The following CRYBA4 variants were observed in gnomAD, a reference collection of about 807,000 sequenced individuals.
CRYBA4 encodes crystallin beta A4.
A neutral mutation model predicts 31.7 loss-of-function variants in CRYBA4; 30 were observed. The observed-to-expected ratio is 0.95, with a 90% CI of 0.71 to 1.28. The LOEUF is 1.28. Ranked by LOEUF, CRYBA4 falls within the 50% of genes most tolerant of loss-of-function variation. The probability of loss-of-function intolerance (pLI) is 0.00; values close to 1 mark genes in which losing one functional copy is unlikely to be tolerated. For synonymous variants in CRYBA4, 102 were observed against 102.3 expected, an observed-to-expected ratio of 1.00 and a Z score of 0.02; for missense variants, 225 against 260.7, an observed-to-expected ratio of 0.86 and a Z score of 0.94.
At chr22:26,622,490 C>A in intron 1 of CRYBA4, 95 bp from the exon 2 acceptor site, 1 of 1,052,982 alleles carries the variant, frequency 9.5e-7, no homozygotes, top group Non-Finnish European at 1.5e-6. Context: ...CCTGGACTCC[C>A]TATGTGGATC....
upstream of CRYBA4, among the ~76,000 whole-genome samples, chr22:26,619,795 G>A (rs1187211575): frequency 5.9e-5 from 9 of 152,350 alleles, no homozygotes. Flanking sequence ...AGGCTTCAAA[G>A]CCAGGTCATC....
At chr22:26,607,979 G>A in the CRYBA4 span, 1 of 1,614,210 alleles carries the variant, frequency 6.2e-7, no homozygotes, top group Non-Finnish European at 8.5e-7. Flanking sequence ...TCTCCAGGAT[G>A]AACATCTCCC....
In CRYBA4 at chr22:26,630,409, T is replaced by A. The variant is rs1929891248; in HGVS notation, c.513T>A (p.Gly171=). Residue 171 remains glycine (G), a synonymous_variant, in exon 6 of 6, where the codon GGT becomes GGA. Coordinates refer to ENST00000354760, the MANE Select transcript of CRYBA4 (RefSeq NM_001886.3). ...QYVLECDHHS[G]DYKHFREWGS... ...TGCTGGAATGCGATCACCATTCCGG[T>A]GACTACAAACATTTCCGGGAGTGGG... 2 of 1,614,200 alleles carry A rather than the reference T, an allele frequency of 1.2e-6. No homozygotes were observed. The highest frequency in any genetic ancestry group is 8.5e-7 in the Non-Finnish European group (1 of 1,180,026).
chr22:26,626,903 G>T (rs149033860), intron 4 of CRYBA4, among the ~76,000 whole-genome samples: 1 of 152,222 alleles, frequency 6.6e-6, no homozygotes, highest in African/African-American at 2.4e-5. Flanking sequence ...GAATCATAAT[G>T]AATCTAAGGC....
chr22:26,598,746 T>C, the CRYBA4 span, among the ~76,000 whole-genome samples: 3 of 152,212 alleles, frequency 2.0e-5, no homozygotes, highest in African/African-American at 7.2e-5. Flanking sequence ...TATAAGGATT[T>C]ATTTACAAAT....
At chr22:26,612,077 C>T in the CRYBA4 span, 60 of 1,611,372 alleles carry the variant, frequency 3.7e-5, 1 homozygote, top group East Asian at 8.7e-4. Flanking sequence ...CTCACGGTCC[C>T]GCGGAGACAA....
At chr22:26,616,487 C>T in the CRYBA4 span, 2 of 649,888 alleles carry the variant, frequency 3.1e-6, no homozygotes, top group East Asian at 5.4e-5. Context: ...TTCTTTCATC[C>T]CTACTTCCCA....
chr22:26,630,256 C>T (rs1274442216), intron 5 of CRYBA4, 84 bp from the exon 6 acceptor site: 14 of 1,548,842 alleles, frequency 9.0e-6, no homozygotes, highest in Non-Finnish European at 1.2e-5. Context: ...GAATTGTGTG[C>T]GTGTGCATAG....
intron 1 of CRYBA4, 62 bp from the exon 2 acceptor site, chr22:26,622,523 T>C (rs1195997759): frequency 2.2e-5 from 32 of 1,447,590 alleles, no homozygotes; most frequent in Non-Finnish European, 2.8e-5. Context: ...AAGCCAGCCA[T>C]CTGCATAAAG....
chr22:26,610,744 T>G, the CRYBA4 span, among the ~76,000 whole-genome samples: 1 of 152,118 alleles, frequency 6.6e-6, no homozygotes. Context: ...CTGTATGATC[T>G]CCCTCAGACC....
chr22:26,607,059 G>A, the CRYBA4 span, among the ~76,000 whole-genome samples: 8 of 120,596 alleles, frequency 6.6e-5, no homozygotes, highest in South Asian at 2.6e-4. Context: ...GTCTGGCACC[G>A]TCACCCCGGC....
Position 26,623,128 on chromosome 22 carries a change from G to A in CRYBA4, c.40-106G>A, listed in dbSNP as rs537176976. 267 of 933,176 alleles carry A rather than the reference G, an allele frequency of 2.9e-4. 5 individuals are homozygous for A. The South Asian group carries it at 3.4e-3, about 12-fold the overall frequency. The allele number at this position is 933,176 out of a possible 1,614,324, so 57.8% of individuals were successfully genotyped here. On this transcript the variant is annotated intron_variant, in intron 2 of 5. Transcript: ENST00000354760. Reference sequence around the variant, plus strand: ...CTTCCTGGCTCCTGGAGGAATCTGAGTTTGCAATCCCTGCTTTACCTGCCA... The same window carrying A: ...CTTCCTGGCTCCTGGAGGAATCTGAATTTGCAATCCCTGCTTTACCTGCCA...
Position 26,628,425 on chromosome 22 carries a change from TG to T in CRYBA4, c.442del (p.Ala148ProfsTer?). 6.2e-7 allele frequency: 1 copy of T among 1,614,028 alleles called. No homozygotes were observed. Among genetic ancestry groups the T allele is most frequent in the Non-Finnish European group, 8.5e-7 (1 of 1,179,990 alleles). ...NEVGSFHVHSGAWVCSQFPGY... is the reference protein window; with the variant it reads ...NEVGSFHVHSXAWVCSQFPGY... ...AAGTAGGGTCCTTCCACGTCCACTCTGGGGCGTAAGTGTATTCAAGGCTCTA... is the reference window on the plus strand; with the variant it reads ...AAGTAGGGTCCTTCCACGTCCACTCTGGGCGTAAGTGTATTCAAGGCTCTA... On this transcript the variant is annotated frameshift_variant, in exon 5 of 6. Coordinates refer to ENST00000354760, the MANE Select transcript of CRYBA4 (RefSeq NM_001886.3). LOFTEE classifies it high-confidence loss of function.
chr22:26,627,634 T>TTCTCTCTCTC (rs771986344), intron 4 of CRYBA4, among the ~76,000 whole-genome samples: 1 of 131,782 alleles, frequency 7.6e-6, no homozygotes, highest in African/African-American at 3.0e-5. Context: ...CCTTCCTTCC[T>TTCTCTCTCTC]TCTCTCTCTC....
chr22:26,616,158 C>T, the CRYBA4 span: 2 of 1,614,192 alleles, frequency 1.2e-6, no homozygotes, highest in Non-Finnish European at 1.7e-6. Context: ...TCCCAGGAGG[C>T]AGTTCCGCCG....
At chr22:26,620,713 G>GC (rs11412030), upstream of CRYBA4, among the ~76,000 whole-genome samples, 151,758 of 152,092 alleles carry the variant, frequency 1, 75,712 homozygotes, top group Middle Eastern at 1. Context: ...ACAGGCGCCC[G>GC]CGCTACTCCC....
intron 1 of CRYBA4, among the ~76,000 whole-genome samples, chr22:26,622,253 T>C (rs1467390516): frequency 4.6e-5 from 7 of 152,164 alleles, no homozygotes. Flanking sequence ...GGCTCTCTTA[T>C]GCTGAGCATT....
At chr22:26,625,690 G>C (rs764116018) in intron 4 of CRYBA4, 68 bp downstream of exon 4, 46 of 1,529,902 alleles carry the variant, frequency 3.0e-5, no homozygotes, top group Non-Finnish European at 3.9e-5. Context: ...GGAATCAAAG[G>C]TTCCAGAGTT....
At chr22:26,628,510 TG>T in intron 5 of CRYBA4, 80 bp downstream of exon 5, 1 of 1,541,700 alleles carries the variant, frequency 6.5e-7, no homozygotes, top group East Asian at 2.3e-5. Context: ...AACTGTGTGC[TG>T]GGGACTTTTG....
Sources: allele counts gnomAD v4.1 joint callset (sites outside exome capture counted in the v4.1 genomes callset), GRCh38; gene constraint gnomAD v4.1.1; transcripts MANE v1.5; gene names NCBI Gene and HGNC (gene_info 2026-07-23, HGNC 2026-07-21).